Variants in CNGB1 observed in about 807,000 individuals in gnomAD.
CNGB1 encodes cyclic nucleotide gated channel subunit beta 1.
In CNGB1, 126 loss-of-function variants were observed where a neutral mutation model predicts 151.7. The observed-to-expected ratio is 0.83, with a 90% CI of 0.72 to 0.96. The LOEUF is 0.96. CNGB1 is among the 40% of genes least tolerant of loss of function. The pLI, the probability that CNGB1 is intolerant of heterozygous loss-of-function variation, is 0.00. For missense variants in CNGB1, 1,698 were observed against 1,627.0 expected (o/e 1.04, Z -0.75); for synonymous variants, 623 against 635.1 (o/e 0.98, Z 0.29).
intron 17 of CNGB1, among the ~76,000 whole-genome samples, chr16:57,928,830 G>A (rs184678031): frequency 2.0e-5 from 3 of 152,154 alleles, no homozygotes; most frequent in African/African-American, 7.2e-5. Context: ...GTAGAGACAG[G>A]GTTTTTCCAT....
intron 20 of CNGB1, among the ~76,000 whole-genome samples, chr16:57,918,326 C>T (rs181130713): frequency 1.3e-5 from 2 of 151,968 alleles, no homozygotes; most frequent in East Asian, 3.9e-4. Context: ...GTCCTGCCCC[C>T]CAAATGTGTG....
At chr16:57,888,144 C>T (rs2149351903) in intron 31 of CNGB1, 70 bp from the exon 32 acceptor site, 4 of 1,497,032 alleles carry the variant, frequency 2.7e-6, no homozygotes, top group Non-Finnish European at 2.7e-6. Context: ...GCTTCTGCAG[C>T]CTCCTTTAAG....
At position 57,926,809 on chromosome 16, in the gene CNGB1, G is replaced by A. The variant is rs139500072; in HGVS notation, c.1536-3429C>T. 5.8e-3 allele frequency among the ~76,000 whole-genome samples: 879 copies of A among 152,148 alleles called. 13 individuals are homozygous for A. Among genetic ancestry groups the A allele is most frequent in the African/African-American group, 0.02 (818 of 41,488 alleles). On this transcript the variant is annotated intron_variant, in intron 17 of 32. Coordinates refer to ENST00000251102, the MANE Select transcript of CNGB1 (RefSeq NM_001297.5). ...AGCCTGCCCAACATGGTGAAACCTC[G>A]TCTCTACTAAAAATACAAAAATTAG...
intron 25 of CNGB1, among the ~76,000 whole-genome samples, chr16:57,907,016 T>A (rs1187399831): frequency 6.6e-6 from 1 of 152,216 alleles, no homozygotes; most frequent in African/African-American, 2.4e-5. Context: ...TTATTCTTCA[T>A]GCTATTGGAA....
chr16:57,916,148 A>G lies in CNGB1; in HGVS notation c.2198T>C (p.Leu733Pro). Residue 733 changes from leucine to proline, a missense_variant, in exon 22 of 33, where the codon CTG (leucine) becomes CCG (proline). Coordinates refer to ENST00000251102, the MANE Select transcript of CNGB1 (RefSeq NM_001297.5). ...TDKKDMRNNY[L>P]KSRRFKMDLL... is the part of the protein sequence containing the mutation. The stretch of plus-strand genomic sequence containing the variant: ...ACACACCTTGAAGCGGCGAGACTTC[A>G]GGTAGTTATTTCGCATGTCCTTTTT... 6.2e-7 allele frequency: 1 copy of G among 1,614,106 alleles called. No homozygotes were observed. Among genetic ancestry groups the G allele is most frequent in the East Asian group, 2.2e-5 (1 of 44,864 alleles).
chr16:57,970,765 G>A (rs571342447), intron 1 of CNGB1, among the ~76,000 whole-genome samples: 9 of 152,268 alleles, frequency 5.9e-5, no homozygotes, highest in East Asian at 5.8e-4. Flanking sequence ...GGGGACCCAC[G>A]AGTGGCAGCT....
chr16:57,908,519 G>A (rs1046785128), intron 25 of CNGB1, among the ~76,000 whole-genome samples: 4 of 152,214 alleles, frequency 2.6e-5, no homozygotes, highest in Non-Finnish European at 5.9e-5. Context: ...CTGACTGAGC[G>A]CCCACTGTGC....
At chr16:57,899,248 T>A (rs963870600) in intron 29 of CNGB1, among the ~76,000 whole-genome samples, 35 of 152,330 alleles carry the variant, frequency 2.3e-4, no homozygotes, top group African/African-American at 7.2e-4. Flanking sequence ...CCAATCCTCA[T>A]GCCTTCACCG....
intron 16 of CNGB1, among the ~76,000 whole-genome samples, chr16:57,935,558 T>G (rs1961484029): frequency 6.6e-6 from 1 of 151,762 alleles, no homozygotes; most frequent in African/African-American, 2.4e-5. Flanking sequence ...TGCACACCTG[T>G]GGTCCCAGCT....
chr16:57,889,943 G>C (rs930539815), intron 31 of CNGB1, among the ~76,000 whole-genome samples: 9 of 152,188 alleles, frequency 5.9e-5, no homozygotes, highest in Admixed American at 1.3e-4. Context: ...AGCAGGGGGA[G>C]TGACGTGCCC....
At chr16:57,961,615 G>A (rs1371150389) in intron 7 of CNGB1, among the ~76,000 whole-genome samples, 1 of 150,028 alleles carries the variant, frequency 6.7e-6, no homozygotes, top group Admixed American at 6.8e-5. Context: ...AAGACACAGA[G>A]AGAGAGCTGC....
intron 18 of CNGB1, 54 bp downstream of exon 18, chr16:57,923,219 T>TCCCC: frequency 7.6e-6 from 7 of 923,432 alleles, no homozygotes; most frequent in East Asian, 3.3e-5. Flanking sequence ...CCCCCCCACA[T>TCCCC]CCCCCACCCT....
In CNGB1 at chr16:57,904,797, T is replaced by G. The variant is rs764159018; in HGVS notation, c.2571A>C (p.Glu857Asp). The change falls in exon 26 of 33, where the codon GAA (glutamate) becomes GAC (aspartate). Residue 857 changes from glutamate to aspartate, a missense_variant. Physicochemically the swap from Glu to Asp is conservative, Grantham distance 45 (BLOSUM62 2). Transcript: ENST00000251102. ...AATAATTCAGCAGCTGGAAGACAAT[T>G]TCAAAGAGTGTCTTGGGGTCAGGCA... The part of the protein sequence containing the change: ...GGLPDPKTLF[E>D]IVFQLLNYFT... The G allele has an allele frequency of 3.7e-6, 6 of 1,613,912 alleles. No individual in the cohort carries two copies. Among genetic ancestry groups the G allele is most frequent in the Non-Finnish European group, 5.1e-6 (6 of 1,180,022 alleles).
At chr16:57,948,976 A>G (rs1961876683) in intron 14 of CNGB1, among the ~76,000 whole-genome samples, 1 of 152,200 alleles carries the variant, frequency 6.6e-6, no homozygotes, top group Admixed American at 6.5e-5. Context: ...TTGTGAATAA[A>G]GGGAGAACTG....
intron 12 of CNGB1, chr16:57,955,146 A>T: frequency 2.0e-6 from 3 of 1,472,344 alleles, no homozygotes; most frequent in Non-Finnish European, 2.7e-6. Flanking sequence ...CTGGTCTGGG[A>T]GGCTCTGGGG....
intron 22 of CNGB1, among the ~76,000 whole-genome samples, chr16:57,915,650 G>A (rs932553381): frequency 1.3e-5 from 2 of 152,150 alleles, no homozygotes; most frequent in African/African-American, 4.8e-5. Context: ...TGTAATCCCA[G>A]CAGTTTGGGA....
At position 57,897,436 on chromosome 16, in the gene CNGB1, T is replaced by C. The variant is rs762202033; in HGVS notation, c.3203A>G (p.His1068Arg). ...DKKDLNEILV[H>R]YPESQKLLRK... ...GAGTAACTTCTGAGACTCAGGATAA[T>C]GCACCAAAATCTCATTCAGGTCCTT... Residue 1068 changes from histidine (H) to arginine (R), a missense_variant, in exon 31 of 33, where the codon CAT becomes CGT. Transcript: ENST00000251102. 6.2e-7 allele frequency: 1 copy of C among 1,614,176 alleles called. No homozygotes were observed. Among genetic ancestry groups the C allele is most frequent in the Admixed American group, 1.7e-5 (1 of 60,004 alleles).
intron 16 of CNGB1, among the ~76,000 whole-genome samples, chr16:57,932,648 C>T (rs1398235925): frequency 6.6e-6 from 1 of 150,576 alleles, no homozygotes; most frequent in East Asian, 2.0e-4. Flanking sequence ...GGCACAGTCT[C>T]GGCTCATTGC....
rs772378990 is a variant in CNGB1, at chr16:57,917,327, A to G, written c.2107T>C (p.Phe703Leu). ...GTCTGGAACACGGTGATGTCCAGGA[A>G]GTAGATGAGGTCGCATAGGTAATCC... Reference protein sequence around the residue: ...LMDYLCDLIYFLDITVFQTRL... With the variant: ...LMDYLCDLIYLLDITVFQTRL... Residue 703 changes from phenylalanine (F) to leucine (L), a missense_variant, in exon 21 of 33, where the codon TTC (phenylalanine) becomes CTC (leucine). Physicochemically the swap from Phe to Leu is conservative, Grantham distance 22. Transcript: ENST00000251102. 1 of 1,614,130 alleles carries G rather than the reference A, an allele frequency of 6.2e-7. No individual in the cohort carries two copies. Among genetic ancestry groups the G allele is most frequent in the Non-Finnish European group, 8.5e-7 (1 of 1,180,016 alleles).
Sources: allele counts gnomAD v4.1 joint callset (sites outside exome capture counted in the v4.1 genomes callset), GRCh38; gene constraint gnomAD v4.1.1; transcripts MANE v1.5; gene names NCBI Gene and HGNC (gene_info 2026-07-23, HGNC 2026-07-21).